The following EEFSEC variants were observed in gnomAD, a reference collection of about 807,000 sequenced individuals.
EEFSEC encodes the protein selenocysteine-specific elongation factor.
EEFSEC carries 43 observed loss-of-function variants against 42.1 expected under a neutral mutation model. The ratio of observed to expected loss-of-function variants is 1.02; its 90% CI spans 0.80 to 1.32. The LOEUF (loss-of-function observed/expected upper bound fraction) is 1.32. Ranked by LOEUF, EEFSEC falls within the 40% of genes most tolerant of loss-of-function variation. The pLI is 0.00. For synonymous variants in EEFSEC, 354 were observed against 339.1 expected, an observed-to-expected ratio of 1.04 and a Z score of -0.48; for missense variants, 745 against 803.6, an observed-to-expected ratio of 0.93 and a Z score of 0.88.
chr3:128,275,993 C>T (rs1427848331), intron 4 of EEFSEC, among the ~76,000 whole-genome samples: 4 of 152,200 alleles, frequency 2.6e-5, no homozygotes. Context: ...TCTCGAGGCT[C>T]CTGGGTGCCG....
At chr3:128,158,495 C>T (rs552014473) in intron 1 of EEFSEC, among the ~76,000 whole-genome samples, 2 of 152,276 alleles carry the variant, frequency 1.3e-5, no homozygotes, top group African/African-American at 4.8e-5. Flanking sequence ...CCACAGTCAC[C>T]CCAACCTTCA....
At chr3:128,255,030 C>G (rs763617060) in intron 2 of EEFSEC, among the ~76,000 whole-genome samples, 1 of 152,196 alleles carries the variant, frequency 6.6e-6, no homozygotes, top group African/African-American at 2.4e-5. Context: ...GAGGCCAGGG[C>G]AATGCCATCC....
intron 4 of EEFSEC, among the ~76,000 whole-genome samples, chr3:128,282,780 G>A (rs1357605631): frequency 3.3e-5 from 5 of 152,212 alleles, no homozygotes; most frequent in African/African-American, 1.2e-4. Context: ...CTTGGGGTTA[G>A]GCTGGCTCTG....
At chr3:128,349,713 G>T (rs1289246817) in intron 5 of EEFSEC, among the ~76,000 whole-genome samples, 1 of 152,218 alleles carries the variant, frequency 6.6e-6, no homozygotes, top group East Asian at 1.9e-4. Context: ...AGGGGGTCCT[G>T]CCAGCTCTTA....
the EEFSEC span, among the ~76,000 whole-genome samples, chr3:128,418,402 TC>T: frequency 6.6e-6 from 1 of 151,762 alleles, no homozygotes; most frequent in Non-Finnish European, 1.5e-5. Flanking sequence ...TCTGCCCGAC[TC>T]CTCTCCTGCC....
chr3:128,285,501 G>A (rs9846820), intron 4 of EEFSEC, among the ~76,000 whole-genome samples: 6,628 of 152,154 alleles, frequency 0.044, 481 homozygotes, highest in African/African-American at 0.15. Flanking sequence ...AGAGGGGAGT[G>A]AGGAGGGCCA....
In EEFSEC at chr3:128,190,546, T is replaced by G. The variant is rs4392437; in HGVS notation, c.316+36723T>G. On this transcript the variant is annotated intron_variant, in intron 1 of 6. Transcript: ENST00000254730. The stretch of plus-strand genomic sequence containing the variant: ...TACAAGAGTCAAAAAGTTAAAAAAT[T>G]TTAAAGTTTATAAAGTAAAAAAGTT... Among the ~76,000 whole-genome samples the G allele has an allele frequency of 9.3e-3, 1,418 of 152,324 alleles. 80 individuals are homozygous for G. Among genetic ancestry groups the G allele is most frequent in the Admixed American group, 0.078 (1,192 of 15,310 alleles).
At chr3:128,404,470 C>T (rs566835460) in intron 6 of EEFSEC, among the ~76,000 whole-genome samples, 44 of 152,382 alleles carry the variant, frequency 2.9e-4, no homozygotes, top group African/African-American at 9.4e-4. Context: ...CCAGCACAGA[C>T]GCCGGGGAGC....
chr3:128,293,686 A>AAAAAAAAAAAAAAC (rs2066672469), intron 4 of EEFSEC, among the ~76,000 whole-genome samples: 1 of 72,908 alleles, frequency 1.4e-5, no homozygotes, highest in Non-Finnish European at 3.4e-5. Flanking sequence ...AAAAAAAAAA[A>AAAAAAAAAAAAAAC]ACTTCCCTTA....
intron 6 of EEFSEC, among the ~76,000 whole-genome samples, chr3:128,396,130 G>T (rs928751183): frequency 2.0e-5 from 3 of 152,170 alleles, no homozygotes; most frequent in African/African-American, 7.2e-5. Flanking sequence ...CCCTCTAGGG[G>T]GTCCCTCATT....
intron 5 of EEFSEC, among the ~76,000 whole-genome samples, chr3:128,351,553 G>A (rs1171408557): frequency 6.6e-6 from 1 of 152,210 alleles, no homozygotes; most frequent in East Asian, 1.9e-4. Context: ...CCATTTCATG[G>A]CACGTTTGCC....
intron 4 of EEFSEC, among the ~76,000 whole-genome samples, chr3:128,276,587 G>A (rs1278422582): frequency 6.6e-6 from 1 of 152,202 alleles, no homozygotes; most frequent in Non-Finnish European, 1.5e-5. Flanking sequence ...TTACATCAGT[G>A]TCCAACATAT....
chr3:128,360,171 A>G (rs556653178), intron 6 of EEFSEC, among the ~76,000 whole-genome samples: 1 of 152,166 alleles, frequency 6.6e-6, no homozygotes, highest in Non-Finnish European at 1.5e-5. Context: ...ACTTCTCCAT[A>G]GTGGCTCTGA....
chr3:128,377,257 C>CA (rs141238429), intron 6 of EEFSEC, among the ~76,000 whole-genome samples: 5 of 150,200 alleles, frequency 3.3e-5, no homozygotes, highest in African/African-American at 1.2e-4. Context: ...ATTATACAAA[C>CA]TTTTTTTTTT....
intron 1 of EEFSEC, among the ~76,000 whole-genome samples, chr3:128,238,998 G>A (rs925965961): frequency 2.0e-5 from 3 of 152,196 alleles, no homozygotes; most frequent in Non-Finnish European, 2.9e-5. Flanking sequence ...TAGTTCTGCC[G>A]GGTCAGCTTC....
chr3:128,425,418 G>A, the EEFSEC span, among the ~76,000 whole-genome samples: 1 of 152,028 alleles, frequency 6.6e-6, no homozygotes, highest in Non-Finnish European at 1.5e-5. Context: ...AGGACACTCG[G>A]GCTGCTTCCA....
At chr3:128,258,486 T>C (rs1253061088) in intron 2 of EEFSEC, among the ~76,000 whole-genome samples, 4 of 152,184 alleles carry the variant, frequency 2.6e-5, no homozygotes. Context: ...GATAATATAA[T>C]ACCTGACATC....
At chr3:128,282,540 G>GACACGTGCACATGTGC in intron 4 of EEFSEC, among the ~76,000 whole-genome samples, 1 of 152,368 alleles carries the variant, frequency 6.6e-6, no homozygotes, top group Non-Finnish European at 1.5e-5. Context: ...TGCTTGCCAG[G>GACACGTGCACATGTGC]ACACGTGCAC....
At chr3:128,212,273 C>T (rs2065766389) in intron 1 of EEFSEC, among the ~76,000 whole-genome samples, 1 of 152,152 alleles carries the variant, frequency 6.6e-6, no homozygotes, top group Non-Finnish European at 1.5e-5. Flanking sequence ...GGGGAGCTGC[C>T]CCAGCTCATA....
Sources: allele counts gnomAD v4.1 joint callset (sites outside exome capture counted in the v4.1 genomes callset), GRCh38; gene constraint gnomAD v4.1.1; transcripts MANE v1.5; gene names NCBI Gene and HGNC (gene_info 2026-07-23, HGNC 2026-07-21).